NRK: variants seen among roughly 807,000 people sequenced by gnomAD.
NRK encodes Nik related kinase, also known as nik-related protein kinase.
In NRK, 67 loss-of-function variants were observed where a neutral mutation model predicts 125.2. The observed-to-expected ratio is 0.54, with a 90% CI of 0.44 to 0.66. The LOEUF (loss-of-function observed/expected upper bound fraction) is 0.66, where lower values mean the gene tolerates loss of function less well. NRK is among the 30% of genes least tolerant of loss of function. The pLI is 0.00. For synonymous variants in NRK, 458 were observed against 429.0 expected (o/e 1.07, Z -0.84); for missense variants, 1,224 against 1,192.9 (o/e 1.03, Z -0.38).
intron 1 of NRK, among the ~76,000 whole-genome samples, chrX:105,827,337 C>CT (rs779378330): frequency 9.8e-5 from 11 of 112,213 alleles, no homozygotes; most frequent in Non-Finnish European, 1.9e-4. Flanking sequence ...TGCAGCCTGA[C>CT]TGCTGGAGCG....
intron 5 of NRK, among the ~76,000 whole-genome samples, chrX:105,889,201 A>T (rs760166555): frequency 8.9e-6 from 1 of 112,734 alleles, no homozygotes; most frequent in African/African-American, 3.2e-5. Flanking sequence ...TACAAGCCCC[A>T]TGCAAGTCCA....
chrX:105,955,036 A>G (rs975839021), intron 28 of NRK, among the ~76,000 whole-genome samples: 6 of 111,595 alleles, frequency 5.4e-5, no homozygotes, highest in Non-Finnish European at 1.1e-4. Flanking sequence ...ATTTTTTAAT[A>G]TTAAAAAATA....
intron 9 of NRK, among the ~76,000 whole-genome samples, chrX:105,904,071 C>T (rs1304632192): frequency 1.8e-5 from 2 of 111,696 alleles, no homozygotes. Flanking sequence ...TTGTCTACTA[C>T]TATGAAAGGC....
chrX:105,868,421 C>T lies in NRK; in HGVS notation c.124-11778C>T, dbSNP rs193284370. On this transcript the variant is annotated intron_variant, in intron 2 of 28. Transcript: ENST00000243300. The stretch of plus-strand genomic sequence containing the variant: ...CTACACATACACACTGCTCCCTCCA[C>T]GTACTCCTCCTACATGCATGCATAC... 2.5e-4 allele frequency among the ~76,000 whole-genome samples: 28 copies of T among 111,328 alleles called. No individual in the cohort carries two copies. In the East Asian group the frequency reaches 8.0e-3, roughly 32 times the overall value.
At chrX:105,857,026 C>T (rs2039539931) in intron 2 of NRK, among the ~76,000 whole-genome samples, 1 of 111,431 alleles carries the variant, frequency 9.0e-6, no homozygotes, top group Non-Finnish European at 1.9e-5. Flanking sequence ...AAGTCATCCA[C>T]AATTTTGCAT....
chrX:105,937,732 T>G (rs913029899), intron 22 of NRK, 150 bp downstream of exon 22: 5 of 361,630 alleles, frequency 1.4e-5, no homozygotes, highest in African/African-American at 1.3e-4. Flanking sequence ...ACTTATATTA[T>G]CTTATCTATT....
rs375705845 is a variant in NRK at position 105,953,087 on chromosome X, C to G, written c.4567C>G (p.Arg1523Gly). The G allele has an allele frequency of 8.4e-7, 1 of 1,195,080 alleles. No homozygotes were observed. Among genetic ancestry groups the G allele is most frequent in the Admixed American group, 2.2e-5 (1 of 45,425 alleles). Reference sequence around the variant, plus strand: ...ATGGGGCCAAAAGGCCATTGAAGTGCGCTCTTTGCAATCCAGGGTTCTGGA... The same window carrying G: ...ATGGGGCCAAAAGGCCATTGAAGTGGGCTCTTTGCAATCCAGGGTTCTGGA... ...TGWGQKAIEVRSLQSRVLESE... is the reference protein window; with the variant it reads ...TGWGQKAIEVGSLQSRVLESE... The change falls in exon 28 of 29, where the codon CGC becomes GGC. Residue 1523 changes from arginine to glycine, a missense_variant. Coordinates refer to ENST00000243300, the MANE Select transcript of NRK (RefSeq NM_198465.4).
chrX:105,884,252 T>C (rs2039916037), intron 4 of NRK, among the ~76,000 whole-genome samples: 1 of 111,860 alleles, frequency 8.9e-6, no homozygotes. Flanking sequence ...AGTAGTTGAA[T>C]GTTTATAGGT....
intron 2 of NRK, among the ~76,000 whole-genome samples, chrX:105,842,007 A>T (rs1170414250): frequency 9.0e-6 from 1 of 111,424 alleles, no homozygotes; most frequent in African/African-American, 3.3e-5. Flanking sequence ...ATTTAAACCA[A>T]AATTTGCTTG....
chrX:105,899,410 C>G (rs1345708978), intron 8 of NRK, among the ~76,000 whole-genome samples: 1 of 111,834 alleles, frequency 8.9e-6, no homozygotes, highest in African/African-American at 3.3e-5. Context: ...GGACTCAAAA[C>G]TTGAAGTTGA....
chrX:105,909,985 C>T, intron 13 of NRK, 103 bp downstream of exon 13: 1 of 645,011 alleles, frequency 1.6e-6, no homozygotes, highest in East Asian at 3.6e-5. Context: ...ATAAATATTC[C>T]TTGTGTTCTA....
chrX:105,954,117 G>C (rs946272666), intron 28 of NRK, among the ~76,000 whole-genome samples: 4 of 111,218 alleles, frequency 3.6e-5, no homozygotes, highest in Non-Finnish European at 7.5e-5. Context: ...TAACTGCTTT[G>C]GGAACAATTG....
chrX:105,916,918 C>T (rs913658234), intron 15 of NRK, among the ~76,000 whole-genome samples: 2 of 111,593 alleles, frequency 1.8e-5, no homozygotes, highest in African/African-American at 6.5e-5. Flanking sequence ...TTAAATGAAA[C>T]TCAAATCTTT....
At chrX:105,868,318 T>C (rs410721) in intron 2 of NRK, among the ~76,000 whole-genome samples, 36,737 of 109,428 alleles carry the variant, frequency 0.34, 5,981 homozygotes, top group African/African-American at 0.64. Flanking sequence ...GTGAGCAAGG[T>C]AAAGTTGGTT....
chrX:105,922,027 C>T lies in NRK; in HGVS notation c.2576C>T (p.Ser859Phe). 1 of 1,165,743 alleles carries T rather than the reference C, an allele frequency of 8.6e-7. No homozygotes were observed. The highest frequency in any genetic ancestry group is 1.2e-6 in the Non-Finnish European group (1 of 855,730). Residue 859 changes from serine to phenylalanine, a missense_variant, in exon 17 of 29, where the codon TCT becomes TTT. Transcript: ENST00000243300. ...GRRSQSSPPY[S>F]TIDQKLLVDI... ...AGGTCTCAGTCATCACCACCTTATTCTACTATTGATCAGAAGTTGCTGGTT... is the reference window on the plus strand; with the variant it reads ...AGGTCTCAGTCATCACCACCTTATTTTACTATTGATCAGAAGTTGCTGGTT...
rs1341111724 is a variant in NRK at position 105,881,762 on chromosome X, G to A, written c.235G>A (p.Val79Ile). The A allele has an allele frequency of 2.7e-6, 3 of 1,128,644 alleles. No individual in the cohort carries two copies. Among genetic ancestry groups the A allele is most frequent in the Non-Finnish European group, 3.6e-6 (3 of 835,855 alleles). 93.0% of individuals were successfully genotyped at this position (1,128,644 alleles called of 1,213,427 possible). Residue 79 changes from valine to isoleucine, a missense_variant, in exon 4 of 29, where the codon GTT becomes ATT. Physicochemically the swap from Val to Ile is conservative, Grantham distance 29 (BLOSUM62 3). Coordinates refer to ENST00000243300, the MANE Select transcript of NRK (RefSeq NM_198465.4). Reference sequence around the variant, plus strand: ...GAGAGTGAATAAATATCAAAAATCTGTTGGGTGGAGATACAGTGTGAGTAC... The same window carrying A: ...GAGAGTGAATAAATATCAAAAATCTATTGGGTGGAGATACAGTGTGAGTAC... Reference protein sequence around the residue: ...RVRVNKYQKSVGWRYSDEEED... With the variant: ...RVRVNKYQKSIGWRYSDEEED...
chrX:105,952,939 G>A, intron 27 of NRK, 95 bp from the exon 28 acceptor site: 1 of 713,096 alleles, frequency 1.4e-6, no homozygotes. Context: ...GTAACAATGA[G>A]CCTCTTAATA....
chrX:105,823,590 T>C (rs1209666278), intron 1 of NRK, among the ~76,000 whole-genome samples: 2 of 110,878 alleles, frequency 1.8e-5, no homozygotes, highest in African/African-American at 6.6e-5. Context: ...TAGCTTTTTC[T>C]TGTGGTTTTC....
chrX:105,949,565 A>G lies in NRK; in HGVS notation c.4354-10A>G, dbSNP rs1216701361. The stretch of plus-strand genomic sequence containing the variant: ...TTGGACATATAAATCTTTATGAAAC[A>G]TAATTCCAGCCCCTGGAAATCATTA... On this transcript the variant is annotated splice_polypyrimidine_tract_variant and intron_variant, in intron 26 of 28. Transcript: ENST00000243300. 2 of 1,178,698 alleles carry G rather than the reference A, an allele frequency of 1.7e-6. No individual in the cohort carries two copies. The highest frequency in any genetic ancestry group is 1.2e-6 in the Non-Finnish European group (1 of 868,307).
Sources: allele counts gnomAD v4.1 joint callset (sites outside exome capture counted in the v4.1 genomes callset), GRCh38; gene constraint gnomAD v4.1.1; transcripts MANE v1.5; gene names NCBI Gene and HGNC (gene_info 2026-07-23, HGNC 2026-07-21).